Variants in DPYSL4 observed in about 807,000 individuals in gnomAD.
DPYSL4 encodes dihydropyrimidinase-related protein 4.
A neutral mutation model predicts 63.4 loss-of-function variants in DPYSL4; 43 were observed. The ratio of observed to expected loss-of-function variants is 0.68; its 90% CI spans 0.53 to 0.88. The LOEUF is 0.88. Among genes scored for constraint, DPYSL4 ranks in the 40% least tolerant of loss-of-function variants. The pLI is 0.00. For synonymous variants in DPYSL4, 353 were observed against 331.7 expected, an observed-to-expected ratio of 1.06 and a Z score of -0.70; for missense variants, 733 against 819.5, an observed-to-expected ratio of 0.89 and a Z score of 1.29.
At chr10:132,200,587 C>A in intron 9 of DPYSL4, 75 bp downstream of exon 9, 1 of 1,561,032 alleles carries the variant, frequency 6.4e-7, no homozygotes, top group Non-Finnish European at 8.7e-7. Context: ...CCCGACACCC[C>A]AGGCCTCTCC....
chr10:132,201,498 C>G (rs2062017385), intron 10 of DPYSL4, among the ~76,000 whole-genome samples: 1 of 152,242 alleles, frequency 6.6e-6, no homozygotes, highest in African/African-American at 2.4e-5. Flanking sequence ...TTCGTGGAAG[C>G]TTTACCCACA....
At chr10:132,199,134 G>A (rs958422720) in intron 8 of DPYSL4, among the ~76,000 whole-genome samples, 163 bp downstream of exon 8, 6 of 152,100 alleles carry the variant, frequency 3.9e-5, no homozygotes, top group African/African-American at 1.2e-4. Context: ...TCCCTGCATC[G>A]GGGCAGGGGC....
At chr10:132,197,410 G>A (rs563697452) in intron 6 of DPYSL4, among the ~76,000 whole-genome samples, 3 of 152,330 alleles carry the variant, frequency 2.0e-5, no homozygotes, top group South Asian at 2.1e-4. Context: ...CCTGTGGAGC[G>A]GGGTACCCGC....
chr10:132,203,547 C>T (rs547265399), intron 12 of DPYSL4: 264 of 578,770 alleles, frequency 4.6e-4, no homozygotes, highest in Non-Finnish European at 6.3e-4. Flanking sequence ...GCATTATACA[C>T]GTATGGGGAG....
rs1215050957 is a variant in DPYSL4, at chr10:132,200,522, C to A, written c.968+10C>A. On this transcript the variant is annotated intron_variant, in intron 9 of 13. Transcript: ENST00000338492. The stretch of plus-strand genomic sequence containing the variant: ...CCTGCTTGCTGTCCAGGTAAGCAGC[C>A]TCTCCAGGTGGCCCCAGGTTGGCCG... 6.2e-7 allele frequency: 1 copy of A among 1,612,328 alleles called. No individual in the cohort carries two copies. The highest frequency in any genetic ancestry group is 1.7e-5 in the Admixed American group (1 of 59,964).
In DPYSL4 at chr10:132,203,780, G is replaced by A. The variant is rs781472118; in HGVS notation, c.1480G>A (p.Val494Met). Residue 494 changes from valine to methionine, a missense_variant, in exon 13 of 14, where the codon GTG becomes ATG. By Grantham distance (21) the Val-to-Met change is conservative. Coordinates refer to ENST00000338492, the MANE Select transcript of DPYSL4 (RefSeq NM_006426.3). ...ARNRLAEIHG[V>M]PRGLYDGPVH... ...CCGGCAGCTGGCGGAGATCCACGGTGTGCCCCGTGGACTGTATGACGGGCC... is the reference window on the plus strand; with the variant it reads ...CCGGCAGCTGGCGGAGATCCACGGTATGCCCCGTGGACTGTATGACGGGCC... 3 of 1,608,132 alleles carry A rather than the reference G, an allele frequency of 1.9e-6. No individual in the cohort carries two copies. Among genetic ancestry groups the A allele is most frequent in the African/African-American group, 2.7e-5 (2 of 74,840 alleles).
chr10:132,193,980 G>C (rs561016115), intron 3 of DPYSL4, among the ~76,000 whole-genome samples: 28 of 152,384 alleles, frequency 1.8e-4, no homozygotes, highest in Non-Finnish European at 3.5e-4. Context: ...GGCCCAAGCC[G>C]GTCAGGACGT....
At position 132,205,544 on chromosome 10, in the gene DPYSL4, A is replaced by G. The variant is rs1411964504; in HGVS notation, c.*614A>G. On this transcript the variant is annotated 3_prime_UTR_variant, in exon 14 of 14. Coordinates refer to ENST00000338492, the MANE Select transcript of DPYSL4 (RefSeq NM_006426.3). The stretch of plus-strand genomic sequence containing the variant: ...TTACGCACCCCAAGGCCCACACCTA[A>G]GCTTCCATGTAGCCCTCATCCAGGG... The G allele has an allele frequency of 6.6e-6, 1 of 152,564 alleles. No homozygotes were observed. Among genetic ancestry groups the G allele is most frequent in the Admixed American group, 6.5e-5 (1 of 15,284 alleles). 9.5% of individuals were successfully genotyped at this position (152,564 alleles called of 1,614,324 possible).
chr10:132,200,649 C>T, intron 9 of DPYSL4, 137 bp downstream of exon 9: 1 of 1,393,154 alleles, frequency 7.2e-7, no homozygotes, highest in Non-Finnish European at 9.6e-7. Context: ...AGTCTGAGCC[C>T]TTTGGTCCCA....
intron 3 of DPYSL4, among the ~76,000 whole-genome samples, chr10:132,193,942 T>C (rs1393975900): frequency 6.6e-6 from 1 of 152,266 alleles, no homozygotes; most frequent in Non-Finnish European, 1.5e-5. Context: ...CTGAGGAGAC[T>C]GGCCACTGCT....
intron 2 of DPYSL4, among the ~76,000 whole-genome samples, chr10:132,192,054 C>G (rs1056527190): frequency 9.9e-6 from 1 of 101,420 alleles, no homozygotes; most frequent in African/African-American, 3.1e-5. Flanking sequence ...GGTATCCAGG[C>G]AGGTGAAAAT....
At chr10:132,196,552 A>G (rs374982212) in intron 4 of DPYSL4, among the ~76,000 whole-genome samples, 51 of 152,286 alleles carry the variant, frequency 3.3e-4, no homozygotes, top group African/African-American at 1.2e-3. Context: ...TCTTCCAGTA[A>G]CGGGGGGTCT....
At chr10:132,200,014 G>C (rs2061991533) in intron 8 of DPYSL4, among the ~76,000 whole-genome samples, 1 of 152,186 alleles carries the variant, frequency 6.6e-6, no homozygotes, top group Non-Finnish European at 1.5e-5. Context: ...GGCACCCCCG[G>C]CCAGTCAGCC....
rs538687535 is a variant in DPYSL4 at position 132,198,999 on chromosome 10, C to T, written c.811+28C>T. 8.2e-5 allele frequency: 100 copies of T among 1,219,384 alleles called. 1 individual carries two copies. The Middle Eastern group carries it at 2.0e-3, about 24-fold the overall frequency. The allele number at this position is 1,219,384 out of a possible 1,614,324, so 75.5% of individuals were successfully genotyped here. The stretch of plus-strand genomic sequence containing the variant: ...GAGCACCCAGCCCCGCCTCTGATGC[C>T]GAGGGGCCATGGTCTCGGCCTCCTG... On this transcript the variant is annotated intron_variant, in intron 8 of 13. Coordinates refer to ENST00000338492, the MANE Select transcript of DPYSL4 (RefSeq NM_006426.3).
In DPYSL4 at chr10:132,203,862, C is replaced by T. The variant is rs373400054; in HGVS notation, c.1562C>T (p.Ser521Phe). The T allele has an allele frequency of 1.9e-6, 3 of 1,613,042 alleles. No individual in the cohort carries two copies. Among genetic ancestry groups the T allele is most frequent in the Non-Finnish European group, 2.5e-6 (3 of 1,179,790 alleles). Residue 521 changes from serine to phenylalanine, a missense_variant, in exon 13 of 14, where the codon TCC becomes TTC. Ser to Phe is a radical substitution (Grantham distance 155). Transcript: ENST00000338492. ...KPGSGAPARA[S>F]CPGKISVPPV... ...GGGAGTGGCGCTCCGGCCCGCGCGT[C>T]CTGCCCAGGCAAGATCTCCGTCCCT...
intron 7 of DPYSL4, 94 bp downstream of exon 7, chr10:132,198,577 C>G (rs2061973384): frequency 3.8e-6 from 5 of 1,330,090 alleles, no homozygotes; most frequent in Non-Finnish European, 5.2e-6. Flanking sequence ...GGCTCCTGGC[C>G]CTGCCACTGT....
Position 132,202,761 on chromosome 10 carries a change from G to C in DPYSL4, c.1397G>C (p.Gly466Ala). The change falls in exon 12 of 14, where the codon GGC becomes GCC. Residue 466 changes from glycine to alanine, a missense_variant. Gly to Ala is a moderately conservative substitution (Grantham distance 60). Coordinates refer to ENST00000338492, the MANE Select transcript of DPYSL4 (RefSeq NM_006426.3). ...DGKMFVTPGA[G>A]RFVPRKTFPD... is the part of the protein sequence containing the mutation. The stretch of plus-strand genomic sequence containing the variant: ...AAGATGTTTGTCACCCCGGGGGCGG[G>C]CCGCTTCGTCCCTCGGAAAACATTC... 1.2e-6 allele frequency: 2 copies of C among 1,612,828 alleles called. No individual in the cohort carries two copies. The highest frequency in any genetic ancestry group is 3.3e-4 in the Middle Eastern group (2 of 6,054).
At chr10:132,187,338 C>T (rs2061812536) in intron 1 of DPYSL4, among the ~76,000 whole-genome samples, 2 of 21,890 alleles carry the variant, frequency 9.1e-5, no homozygotes, top group South Asian at 1.7e-3. Context: ...CCGGCCCGGC[C>T]CGGCCCTGCC....
At chr10:132,191,964 G>C (rs1300270818) in intron 2 of DPYSL4, among the ~76,000 whole-genome samples, 1 of 131,642 alleles carries the variant, frequency 7.6e-6, no homozygotes, top group African/African-American at 2.8e-5. Context: ...TATGTTCCCA[G>C]CTCGTGTGTA....
Sources: allele counts gnomAD v4.1 joint callset (sites outside exome capture counted in the v4.1 genomes callset), GRCh38; gene constraint gnomAD v4.1.1; transcripts MANE v1.5; gene names NCBI Gene and HGNC (gene_info 2026-07-23, HGNC 2026-07-21).